The following AGRP variants were observed in gnomAD, a reference collection of about 807,000 sequenced individuals.
The protein encoded by AGRP is agouti-related protein.
AGRP carries 8 observed loss-of-function variants against 13.6 expected under a neutral mutation model. The ratio of observed to expected loss-of-function variants is 0.59; its 90% CI spans 0.35 to 1.06. The LOEUF (loss-of-function observed/expected upper bound fraction) is 1.06, where lower values mean the gene tolerates loss of function less well. AGRP is among the 50% of genes least tolerant of loss of function. The pLI is 0.02. For synonymous variants in AGRP, 63 were observed against 72.4 expected, an observed-to-expected ratio of 0.87 and a Z score of 0.66; for missense variants, 155 against 174.8, an observed-to-expected ratio of 0.89 and a Z score of 0.64.
At position 67,483,300 on chromosome 16, in the gene AGRP, C is replaced by A; in HGVS notation, c.99G>T (p.Arg33Ser). 3.1e-6 allele frequency: 5 copies of A among 1,587,588 alleles called. No homozygotes were observed. The highest frequency in any genetic ancestry group is 3.4e-6 in the Non-Finnish European group (4 of 1,168,158). ...MGLAPMEGIR[R>S]PDQALLPELP... ...GCTCTGGGAGCAGGGCCTGGTCAGG[C>A]CTTCTGATGCCCTCCATGGGGGCCA... is the stretch of plus-strand genomic sequence containing the variant. The change falls in exon 2 of 4, where the codon AGG becomes AGT. Residue 33 changes from arginine (R) to serine (S), a missense_variant. Transcript: ENST00000290953.
In AGRP at chr16:67,483,311, C is replaced by A; in HGVS notation, c.88G>T (p.Gly30Cys). ...AGGGCCTGGTCAGGCCTTCTGATGCCCTCCATGGGGGCCAAGCCCATCTGG... is the reference window on the plus strand; with the variant it reads ...AGGGCCTGGTCAGGCCTTCTGATGCACTCCATGGGGGCCAAGCCCATCTGG... ...GAQMGLAPME[G>C]IRRPDQALLP... Residue 30 changes from glycine to cysteine, a missense_variant, in exon 2 of 4, where the codon GGC becomes TGC. Coordinates refer to ENST00000290953, the MANE Select transcript of AGRP (RefSeq NM_001138.2). 1 of 1,587,010 alleles carries A rather than the reference C, an allele frequency of 6.3e-7. No individual in the cohort carries two copies. Among genetic ancestry groups the A allele is most frequent in the South Asian group, 1.2e-5 (1 of 86,726 alleles).
Position 67,483,200 on chromosome 16 carries a change from G to A in AGRP, c.130+69C>T, listed in dbSNP as rs1267740336. On this transcript the variant is annotated intron_variant, in intron 2 of 3. Transcript: ENST00000290953. ...TTGGGAAGGGAGAAAGAGGGTTTAT[G>A]CCAGGGGAGACTATTTGTGGCCAGA... 10 of 1,604,252 alleles carry A rather than the reference G, an allele frequency of 6.2e-6. No individual in the cohort carries two copies. In the East Asian group the frequency reaches 1.3e-4, roughly 22 times the overall value.
Position 67,483,473 on chromosome 16 carries a change from G to T in AGRP, c.-4+44C>A, listed in dbSNP as rs958572636. The T allele has an allele frequency of 2.6e-5, 37 of 1,431,042 alleles. No individual in the cohort carries two copies. In the South Asian group the frequency reaches 5.9e-4, roughly 23 times the overall value. 88.6% of individuals were successfully genotyped at this position (1,431,042 alleles called of 1,614,324 possible). Reference sequence around the variant, plus strand: ...AGTCCCCTCTAGGTGCCCAGATAGAGACCCCACAGAGAGGAGGAGTCCCTG... The same window carrying T: ...AGTCCCCTCTAGGTGCCCAGATAGATACCCCACAGAGAGGAGGAGTCCCTG... On this transcript the variant is annotated intron_variant, in intron 1 of 3. Transcript: ENST00000290953.
rs201485380 is a variant in AGRP at position 67,482,644 on chromosome 16, G to A, written c.391C>T (p.Arg131Cys). 12 of 1,614,168 alleles carry A rather than the reference G, an allele frequency of 7.4e-6. No homozygotes were observed. The East Asian group carries it at 1.8e-4, about 24-fold the overall frequency. Residue 131 changes from arginine (R) to cysteine (C), a missense_variant, in exon 4 of 4, where the codon CGC (arginine) becomes TGC (cysteine). Coordinates refer to ENST00000290953, the MANE Select transcript of AGRP (RefSeq NM_001138.2). ...ACCCTGACGTTGGCCAGCTAGGTGC[G>A]GCTGCAGGGATTCATGGCAGTACCC... is the stretch of plus-strand genomic sequence containing the variant. The part of the protein sequence containing the change: ...KLGTAMNPCS[R>C]T
At position 67,482,814 on chromosome 16, in the gene AGRP, A is replaced by G; in HGVS notation, c.221T>C (p.Leu74Pro). The G allele has an allele frequency of 1.2e-6, 2 of 1,614,030 alleles. No individual in the cohort carries two copies. Among genetic ancestry groups the G allele is most frequent in the Non-Finnish European group, 1.7e-6 (2 of 1,179,972 alleles). Residue 74 changes from leucine (L) to proline (P), a missense_variant, in exon 4 of 4, where the codon CTA becomes CCA. Physicochemically the swap from Leu to Pro is moderately conservative, Grantham distance 98 (BLOSUM62 -3). Transcript: ENST00000290953. ...GCGGGGCTCGCGGTCCTGCAGGTCT[A>G]GTACCTGCAGGGGTGGGGAACCAGC... The part of the protein sequence containing the change: ...LQEAQALAEV[L>P]DLQDREPRSS...
chr16:67,482,619 A>G lies in AGRP; in HGVS notation c.*17T>C. On this transcript the variant is annotated 3_prime_UTR_variant, in exon 4 of 4. Coordinates refer to ENST00000290953, the MANE Select transcript of AGRP (RefSeq NM_001138.2). ...TTTCCTTGCCCCTACCCTAGCCCCGACCCTGACGTTGGCCAGCTAGGTGCG... is the reference window on the plus strand; with the variant it reads ...TTTCCTTGCCCCTACCCTAGCCCCGGCCCTGACGTTGGCCAGCTAGGTGCG... The G allele has an allele frequency of 1.2e-6, 2 of 1,613,932 alleles. No homozygotes were observed. The highest frequency in any genetic ancestry group is 1.3e-5 in the African/African-American group (1 of 74,976).
At position 67,483,344 on chromosome 16, in the gene AGRP, G is replaced by A. The variant is rs756623498; in HGVS notation, c.55C>T (p.Arg19Ter). 7.3e-5 allele frequency: 114 copies of A among 1,555,454 alleles called. No homozygotes were observed. The highest frequency in any genetic ancestry group is 1.6e-4 in the South Asian group (13 of 81,438). Residue 19 changes from arginine to a stop codon, truncating the protein, a stop_gained, in exon 2 of 4, where the codon CGA (arginine) becomes TGA (stop). Transcript: ENST00000290953. LOFTEE classifies it high-confidence loss of function. The part of the protein sequence containing the change: ...CALLLALPAT[R>*]GAQMGLAPME... The stretch of plus-strand genomic sequence containing the variant: ...GGGGCCAAGCCCATCTGGGCTCCTC[G>A]CGTGGCAGGCAGTGCCAGCAGCAGG...
chr16:67,482,937 G>T, intron 3 of AGRP, 88 bp downstream of exon 3: 1 of 1,566,172 alleles, frequency 6.4e-7, no homozygotes, highest in Non-Finnish European at 8.8e-7. Context: ...GTCGTCGCTG[G>T]TGAGGGAGTT....
chr16:67,482,962 G>A, intron 3 of AGRP, 63 bp downstream of exon 3: 2 of 1,578,106 alleles, frequency 1.3e-6, no homozygotes, highest in Non-Finnish European at 1.7e-6. Context: ...GCTGGGGAGA[G>A]GAGCTAATAC....
At chr16:67,482,994 C>T in intron 3 of AGRP, 31 bp downstream of exon 3, 1 of 1,609,424 alleles carries the variant, frequency 6.2e-7, no homozygotes, top group Non-Finnish European at 8.5e-7. Flanking sequence ...TCCCAAGGGC[C>T]ACCACCTTAC....
Position 67,483,529 on chromosome 16 carries a change from G to C in AGRP, c.-16C>G. On this transcript the variant is annotated 5_prime_UTR_variant, in exon 1 of 4. In the 5' UTR this introduces an upstream ATG that the reference lacks. Transcript: ENST00000290953. ...CCTGAGGACTCACCTCTGCCTCCGG[G>C]ATTCTTGCCTAGAGAGTTCCCGGCC... is the stretch of plus-strand genomic sequence containing the variant. 8.9e-7 allele frequency: 1 copy of C among 1,123,320 alleles called. No individual in the cohort carries two copies. The highest frequency in any genetic ancestry group is 2.7e-5 in the East Asian group (1 of 36,996). 69.6% of individuals were successfully genotyped at this position (1,123,320 alleles called of 1,614,324 possible).
At chr16:67,483,246 G>T (rs2041526649) in intron 2 of AGRP, 23 bp downstream of exon 2, 1 of 1,290,908 alleles carries the variant, frequency 7.7e-7, no homozygotes, top group Non-Finnish European at 1.1e-6. Flanking sequence ...GCCCCGCCCA[G>T]TCCCACCCTT....
At position 67,482,767 on chromosome 16, in the gene AGRP, G is replaced by A; in HGVS notation, c.268C>T (p.Leu90=). 6.2e-7 allele frequency: 1 copy of A among 1,614,166 alleles called. No individual in the cohort carries two copies. The highest frequency in any genetic ancestry group is 1.3e-5 in the African/African-American group (1 of 75,038). The stretch of plus-strand genomic sequence containing the variant: ...TGCTGTCCCAGGCAGGACTCATGCA[G>A]CCTTACGCAGCGACGTGAGGAGCGG... The part of the protein sequence containing the change: ...EPRSSRRCVR[L]HESCLGQQVP... The change falls in exon 4 of 4, where the codon CTG becomes TTG. Residue 90 remains leucine (L), a synonymous_variant. Coordinates refer to ENST00000290953, the MANE Select transcript of AGRP (RefSeq NM_001138.2).
chr16:67,483,211 C>T, intron 2 of AGRP, 58 bp downstream of exon 2: 3 of 1,597,342 alleles, frequency 1.9e-6, no homozygotes, highest in Non-Finnish European at 2.6e-6. Flanking sequence ...CCAGGGGAGA[C>T]TATTTGTGGC....
chr16:67,483,377 T>G lies in AGRP; in HGVS notation c.22A>C (p.Ser8Arg), dbSNP rs1308854562. Residue 8 changes from serine to arginine, a missense_variant, in exon 2 of 4, where the codon AGC becomes CGC. By Grantham distance (110) the Ser-to-Arg change is moderately radical. Transcript: ENST00000290953. ...GGCAGTGCCAGCAGCAGGGCACAGC[T>G]CAGCACCGCTGCGGTCAGCATGGCC... MLTAAVL[S>R]CALLLALPAT... 2 of 1,530,566 alleles carry G rather than the reference T, an allele frequency of 1.3e-6. No homozygotes were observed. Among genetic ancestry groups the G allele is most frequent in the South Asian group, 2.6e-5 (2 of 77,464 alleles). 94.8% of individuals were successfully genotyped at this position (1,530,566 alleles called of 1,614,324 possible).
chr16:67,483,541 G>T lies in AGRP; in HGVS notation c.-28C>A. The T allele has an allele frequency of 8.1e-6, 8 of 987,866 alleles. No homozygotes were observed. The highest frequency in any genetic ancestry group is 1.1e-5 in the Non-Finnish European group (8 of 727,178). 61.2% of individuals were successfully genotyped at this position (987,866 alleles called of 1,614,324 possible). On this transcript the variant is annotated 5_prime_UTR_variant, in exon 1 of 4. Transcript: ENST00000290953. ...CCTCTGCCTCCGGGATTCTTGCCTA[G>T]AGAGTTCCCGGCCACCCCGTGCCCT...
At position 67,482,670 on chromosome 16, in the gene AGRP, A is replaced by C; in HGVS notation, c.365T>G (p.Leu122Arg). The C allele has an allele frequency of 6.2e-7, 1 of 1,614,196 alleles. No individual in the cohort carries two copies. The highest frequency in any genetic ancestry group is 1.7e-5 in the Admixed American group (1 of 60,014). Reference sequence around the variant, plus strand: ...GCTGCAGGGATTCATGGCAGTACCCAGCTTGCGGCAGTAGCAGAAGGCATT... The same window carrying C: ...GCTGCAGGGATTCATGGCAGTACCCCGCTTGCGGCAGTAGCAGAAGGCATT... ...FFNAFCYCRK[L>R]GTAMNPCSRT Residue 122 changes from leucine (L) to arginine (R), a missense_variant, in exon 4 of 4, where the codon CTG (leucine) becomes CGG (arginine). Leu to Arg is a moderately radical substitution (Grantham distance 102). Transcript: ENST00000290953.
At chr16:67,482,862 A>T in intron 3 of AGRP, 44 bp from the exon 4 acceptor site, 1 of 1,609,744 alleles carries the variant, frequency 6.2e-7, no homozygotes, top group Non-Finnish European at 8.5e-7. Flanking sequence ...AGACAGATCC[A>T]GGGATCTTAC....
Position 67,482,790 on chromosome 16 carries a change from CG to C in AGRP, c.244del (p.Arg82AlafsTer7). On this transcript the variant is annotated frameshift_variant, in exon 4 of 4. Transcript: ENST00000290953. LOFTEE classifies it high-confidence loss of function. The part of the protein sequence containing the change: ...EVLDLQDREP[R>X]SSRRCVRLHE... Reference sequence around the variant, plus strand: ...CAGCCTTACGCAGCGACGTGAGGAGCGGGGCTCGCGGTCCTGCAGGTCTAGT... The same window carrying C: ...CAGCCTTACGCAGCGACGTGAGGAGCGGGCTCGCGGTCCTGCAGGTCTAGT... 6.2e-7 allele frequency: 1 copy of C among 1,614,066 alleles called. No individual in the cohort carries two copies. The highest frequency in any genetic ancestry group is 8.5e-7 in the Non-Finnish European group (1 of 1,180,012).
Sources: allele counts gnomAD v4.1 joint callset, GRCh38; gene constraint gnomAD v4.1.1; transcripts MANE v1.5; gene names NCBI Gene and HGNC (gene_info 2026-07-23, HGNC 2026-07-21).